Variants in PPIL4 observed in about 807,000 individuals in gnomAD.
The protein encoded by PPIL4 is peptidyl-prolyl cis-trans isomerase-like 4.
Under a neutral mutation model 69.1 loss-of-function variants are expected in PPIL4, and 50 were observed. The ratio of observed to expected loss-of-function variants is 0.72; its 90% CI spans 0.58 to 0.92. The LOEUF is 0.92. PPIL4 is among the 40% of genes least tolerant of loss of function. The pLI is 0.00. For missense variants in PPIL4, 480 were observed against 587.9 expected, an observed-to-expected ratio of 0.82 and a Z score of 1.90; for synonymous variants, 193 against 191.6, an observed-to-expected ratio of 1.01 and a Z score of -0.06.
intron 11 of PPIL4, among the ~76,000 whole-genome samples, chr6:149,513,412 A>ATATATATATAT (rs1405350056): frequency 1.8e-5 from 1 of 55,328 alleles, no homozygotes; most frequent in African/African-American, 7.6e-5. Flanking sequence ...AAAAAAAAAA[A>ATATATATATAT]ATATATATAT....
At chr6:149,520,687 C>T (rs1777016590) in intron 10 of PPIL4, among the ~76,000 whole-genome samples, 1 of 152,056 alleles carries the variant, frequency 6.6e-6, no homozygotes, top group African/African-American at 2.4e-5. Flanking sequence ...ATTAACAGCA[C>T]TCAATAAAAG....
intron 9 of PPIL4, among the ~76,000 whole-genome samples, chr6:149,523,974 C>T (rs1777068920): frequency 6.6e-6 from 1 of 152,150 alleles, no homozygotes; most frequent in Non-Finnish European, 1.5e-5. Flanking sequence ...TCTTCCCCAA[C>T]CCTCCATGAT....
At chr6:149,516,529 T>A (rs973733361) in intron 11 of PPIL4, among the ~76,000 whole-genome samples, 1 of 152,138 alleles carries the variant, frequency 6.6e-6, no homozygotes, top group African/African-American at 2.4e-5. Flanking sequence ...AAGACACCAT[T>A]TACCAGAAAG....
chr6:149,541,961 C>T (rs1329519513), intron 1 of PPIL4, among the ~76,000 whole-genome samples: 1 of 151,908 alleles, frequency 6.6e-6, no homozygotes, highest in African/African-American at 2.4e-5. Context: ...TTGCAGTGAA[C>T]CAAGATCGCA....
intron 11 of PPIL4, among the ~76,000 whole-genome samples, chr6:149,514,115 T>C (rs760868242): frequency 6.6e-6 from 1 of 152,200 alleles, no homozygotes; most frequent in Non-Finnish European, 1.5e-5. Context: ...ATGAAAGACA[T>C]TGTTCCTCCT....
chr6:149,535,928 T>C (rs1777268761), intron 4 of PPIL4, among the ~76,000 whole-genome samples, 190 bp from the exon 5 acceptor site: 1 of 152,232 alleles, frequency 6.6e-6, no homozygotes, highest in African/African-American at 2.4e-5. Context: ...TTATTGCACT[T>C]TGCAGATACT....
intron 11 of PPIL4, among the ~76,000 whole-genome samples, chr6:149,513,385 C>CAAAAAAAAA (rs1170985851): frequency 2.4e-5 from 1 of 41,546 alleles, no homozygotes; most frequent in African/African-American, 1.9e-4. Context: ...GACTCAGTCT[C>CAAAAAAAAA]AAAAAAAAAA....
At chr6:149,543,211 A>C (rs1777389763) in intron 1 of PPIL4, among the ~76,000 whole-genome samples, 1 of 152,214 alleles carries the variant, frequency 6.6e-6, no homozygotes, top group South Asian at 2.1e-4. Flanking sequence ...ACACTATCTT[A>C]TATGAAATAT....
At chr6:149,517,273 C>A (rs2115030199) in intron 11 of PPIL4, 81 bp downstream of exon 11, 1 of 782,304 alleles carries the variant, frequency 1.3e-6, no homozygotes, top group East Asian at 2.7e-5. Flanking sequence ...GCTTTTGTGA[C>A]TTTTCATAAC....
At chr6:149,521,852 C>T (rs185324606) in intron 9 of PPIL4, among the ~76,000 whole-genome samples, 3 of 152,296 alleles carry the variant, frequency 2.0e-5, no homozygotes, top group Admixed American at 6.5e-5. Context: ...CTGTGCTACA[C>T]AAGAATCCTT....
chr6:149,506,398 G>T (rs1239376654), intron 12 of PPIL4, among the ~76,000 whole-genome samples: 1 of 152,148 alleles, frequency 6.6e-6, no homozygotes, highest in Non-Finnish European at 1.5e-5. Context: ...CTTGAACCTG[G>T]GAGGCAGAGG....
At chr6:149,505,952 G>A (rs1354337399) in intron 12 of PPIL4, among the ~76,000 whole-genome samples, 2 of 152,112 alleles carry the variant, frequency 1.3e-5, no homozygotes, top group African/African-American at 4.8e-5. Context: ...TCAAAAATAT[G>A]GAACTGAAAT....
intron 4 of PPIL4, among the ~76,000 whole-genome samples, chr6:149,537,449 T>G (rs1777295299): frequency 6.6e-6 from 1 of 152,200 alleles, no homozygotes; most frequent in Non-Finnish European, 1.5e-5. Flanking sequence ...GGCTCACGCC[T>G]GTAATCCCAG....
chr6:149,514,896 G>A (rs566602174), intron 11 of PPIL4, among the ~76,000 whole-genome samples: 79 of 151,488 alleles, frequency 5.2e-4, no homozygotes, highest in Non-Finnish European at 9.7e-4. Flanking sequence ...GAGTACAATG[G>A]CGCGATCTTG....
Position 149,529,452 on chromosome 6 carries a change from TA to T in PPIL4, c.679-2677del, listed in dbSNP as rs930157346. 5.4e-5 allele frequency among the ~76,000 whole-genome samples: 8 copies of T among 147,432 alleles called. No homozygotes were observed. The South Asian group carries it at 1.1e-3, about 20-fold the overall frequency. ...CAACAGAGCGAGAACCTGTCTCAAA[TA>T]AAAAAAAATTAAAAAAAATTAAAAA... On this transcript the variant is annotated intron_variant, in intron 7 of 12. Coordinates refer to ENST00000253329, the MANE Select transcript of PPIL4 (RefSeq NM_139126.4).
intron 5 of PPIL4, 150 bp from the exon 6 acceptor site, chr6:149,534,924 T>C (rs893873994): frequency 5.8e-6 from 3 of 518,722 alleles, no homozygotes; most frequent in Admixed American, 7.4e-5. Flanking sequence ...AGATATACTT[T>C]CACAATGAGT....
At chr6:149,515,257 G>A (rs765320682) in intron 11 of PPIL4, among the ~76,000 whole-genome samples, 10 of 150,996 alleles carry the variant, frequency 6.6e-5, no homozygotes, top group Non-Finnish European at 1.3e-4. Context: ...ACACTGCTGG[G>A]ATTACAGGCA....
At chr6:149,522,912 G>A (rs1351836260) in intron 9 of PPIL4, among the ~76,000 whole-genome samples, 1 of 151,894 alleles carries the variant, frequency 6.6e-6, no homozygotes, top group Non-Finnish European at 1.5e-5. Flanking sequence ...CGCCTGGCCA[G>A]GACAACCTTT....
chr6:149,533,510 TCTA>T lies in PPIL4; in HGVS notation c.623_625del (p.Val208del), dbSNP rs1373084827. On this transcript the variant is annotated inframe_deletion, in exon 7 of 13. Transcript: ENST00000253329. ...AGCCTCTTTTTCTGCCTTTATTTCTTCTACTTCCTCAGCTGATCTTCCTTTGAA... is the reference window on the plus strand; with the variant it reads ...AGCCTCTTTTTCTGCCTTTATTTCTTCTTCCTCAGCTGATCTTCCTTTGAA... 6 of 1,612,754 alleles carry T rather than the reference TCTA, an allele frequency of 3.7e-6. No homozygotes were observed. Among genetic ancestry groups the T allele is most frequent in the Non-Finnish European group, 4.2e-6 (5 of 1,179,058 alleles).
Sources: allele counts gnomAD v4.1 joint callset (sites outside exome capture counted in the v4.1 genomes callset), GRCh38; gene constraint gnomAD v4.1.1; transcripts MANE v1.5; gene names NCBI Gene and HGNC (gene_info 2026-07-23, HGNC 2026-07-21).